The following PRKG1 variants were observed in gnomAD, a reference collection of about 807,000 sequenced individuals.
PRKG1 encodes protein kinase cGMP-dependent 1, also known as cGMP-dependent protein kinase 1.
PRKG1 carries 35 observed loss-of-function variants against 88.1 expected under a neutral mutation model. The ratio of observed to expected loss-of-function variants is 0.40; its 90% CI spans 0.30 to 0.53. PRKG1 has a LOEUF of 0.53. Among genes scored for constraint, PRKG1 ranks in the 20% least tolerant of loss-of-function variants. PRKG1 has a pLI of 0.59. For missense variants in PRKG1, 540 were observed against 839.8 expected, an observed-to-expected ratio of 0.64 and a Z score of 4.41; for synonymous variants, 303 against 292.5, an observed-to-expected ratio of 1.04 and a Z score of -0.37.
chr10:52,188,822 A>C (rs188988341), intron 9 of PRKG1, among the ~76,000 whole-genome samples: 1 of 152,296 alleles, frequency 6.6e-6, no homozygotes, highest in African/African-American at 2.4e-5. Flanking sequence ...ATATCAATCT[A>C]GTAATGTACT....
chr10:51,396,466 G>A (rs542281792), intron 2 of PRKG1, among the ~76,000 whole-genome samples: 12 of 151,968 alleles, frequency 7.9e-5, no homozygotes, highest in Non-Finnish European at 1.5e-4. Flanking sequence ...ACCCAAGTAA[G>A]TAAAACTAAA....
chr10:52,018,193 G>T (rs1845092617), intron 5 of PRKG1, among the ~76,000 whole-genome samples: 1 of 152,134 alleles, frequency 6.6e-6, no homozygotes, highest in Non-Finnish European at 1.5e-5. Context: ...ATAAAATGTG[G>T]TGTTGAGCCA....
At chr10:51,990,300 C>T (rs1287669436) in intron 5 of PRKG1, among the ~76,000 whole-genome samples, 1 of 152,028 alleles carries the variant, frequency 6.6e-6, no homozygotes, top group African/African-American at 2.4e-5. Flanking sequence ...CCCAAGATTG[C>T]TTTGGCTATT....
intron 4 of PRKG1, among the ~76,000 whole-genome samples, chr10:51,821,940 T>C (rs918794403): frequency 3.9e-5 from 6 of 152,132 alleles, no homozygotes; most frequent in Non-Finnish European, 7.4e-5. Context: ...GTTCAAGTAA[T>C]CCCATTTCTG....
chr10:52,280,804 T>C lies in PRKG1; in HGVS notation c.1419T>C (p.Asp473=), dbSNP rs748812366. The C allele has an allele frequency of 6.2e-7, 1 of 1,613,280 alleles. No homozygotes were observed. Among genetic ancestry groups the C allele is most frequent in the South Asian group, 1.1e-5 (1 of 91,028 alleles). ...TILRDRGSFE[D]STTRFYTACV... is the part of the protein sequence containing the mutation. ...TGCACCTCAGAGGTTCGTTTGAAGA[T>C]TCTACAACCAGATTTTACACAGCAT... The change falls in exon 13 of 18, where the codon GAT becomes GAC. Residue 473 remains aspartate, a synonymous_variant. Coordinates refer to ENST00000373980, the MANE Select transcript of PRKG1 (RefSeq NM_006258.4).
At chr10:51,035,876 T>G (rs940757802) in intron 1 of PRKG1, among the ~76,000 whole-genome samples, 1 of 151,864 alleles carries the variant, frequency 6.6e-6, no homozygotes, top group Non-Finnish European at 1.5e-5. Context: ...GTACATACCT[T>G]TATTTATTTA....
At chr10:51,717,505 T>A (rs116675620) in intron 3 of PRKG1, among the ~76,000 whole-genome samples, 18 of 152,276 alleles carry the variant, frequency 1.2e-4, no homozygotes, top group African/African-American at 3.9e-4. Context: ...AAATTTATGA[T>A]CCTCAAGTAA....
intron 2 of PRKG1, among the ~76,000 whole-genome samples, chr10:51,226,348 CGTT>C (rs534788717): frequency 3.3e-5 from 5 of 152,202 alleles, no homozygotes; most frequent in East Asian, 3.9e-4. Context: ...TCAAACTTTA[CGTT>C]GTTGTTGTTT....
At position 51,670,740 on chromosome 10, in the gene PRKG1, A is replaced by AT. The variant is rs1564599413; in HGVS notation, c.593-133845_593-133844insT. On this transcript the variant is annotated intron_variant, in intron 3 of 17. Coordinates refer to ENST00000373980, the MANE Select transcript of PRKG1 (RefSeq NM_006258.4). The stretch of plus-strand genomic sequence containing the variant: ...GACAGAGCGAGACTCCGTCTCAAAA[A>AT]AAAATAAATAAATAAATAAATAAAT... Among the ~76,000 whole-genome samples, 1,104 of 115,306 alleles carry AT rather than the reference A, an allele frequency of 9.6e-3. 6 individuals carry two copies. Among genetic ancestry groups the AT allele is most frequent in the Admixed American group, 0.013 (146 of 11,256 alleles). 75.6% of individuals were successfully genotyped at this position (115,306 alleles called of 152,430 possible).
At chr10:51,926,848 G>T (rs1361217571) in intron 5 of PRKG1, among the ~76,000 whole-genome samples, 1 of 111,770 alleles carries the variant, frequency 8.9e-6, no homozygotes, top group Admixed American at 8.5e-5. Context: ...CAGCAATTCT[G>T]CCATACCTTT....
chr10:51,005,252 G>C (rs747639039), intron 1 of PRKG1, among the ~76,000 whole-genome samples: 1 of 149,498 alleles, frequency 6.7e-6, no homozygotes, highest in African/African-American at 2.5e-5. Flanking sequence ...GGAGTAACAG[G>C]GTAGGTTGTG....
chr10:51,686,195 A>T (rs990891591), intron 3 of PRKG1, among the ~76,000 whole-genome samples: 1 of 152,228 alleles, frequency 6.6e-6, no homozygotes, highest in East Asian at 1.9e-4. Context: ...TAGGTTTGTT[A>T]TACAGGTAAA....
intron 1 of PRKG1, among the ~76,000 whole-genome samples, chr10:51,098,973 G>A (rs1018767656): frequency 3.3e-5 from 5 of 152,162 alleles, no homozygotes; most frequent in Non-Finnish European, 5.9e-5. Flanking sequence ...GAGCACAAAA[G>A]CCTAGCTCCC....
intron 3 of PRKG1, among the ~76,000 whole-genome samples, chr10:51,502,367 G>A (rs1841054373): frequency 6.6e-6 from 1 of 152,134 alleles, no homozygotes; most frequent in Admixed American, 6.6e-5. Context: ...TCAAGTGCCA[G>A]CTCTGAGGAG....
intron 5 of PRKG1, among the ~76,000 whole-genome samples, chr10:52,053,695 G>A (rs917328349): frequency 5.9e-5 from 9 of 152,234 alleles, no homozygotes; most frequent in Middle Eastern, 3.4e-3. Context: ...TGTGGTGTCC[G>A]TGTCAGAATA....
chr10:51,437,283 T>A (rs1838960132), intron 2 of PRKG1, among the ~76,000 whole-genome samples: 1 of 152,050 alleles, frequency 6.6e-6, no homozygotes, highest in South Asian at 2.1e-4. Flanking sequence ...AACTAGACTA[T>A]TCTGAGCCTA....
chr10:51,387,190 G>T (rs1837273720), intron 2 of PRKG1, among the ~76,000 whole-genome samples: 1 of 151,892 alleles, frequency 6.6e-6, no homozygotes, highest in Admixed American at 6.6e-5. Context: ...ACTGTCTACA[G>T]GACAAGCAGC....
chr10:51,813,465 T>G (rs374895116), intron 4 of PRKG1, among the ~76,000 whole-genome samples: 1 of 152,098 alleles, frequency 6.6e-6, no homozygotes, highest in African/African-American at 2.4e-5. Flanking sequence ...TAGTAAAAAT[T>G]TATTGAGTGT....
chr10:52,016,704 C>T (rs1845048696), intron 5 of PRKG1, among the ~76,000 whole-genome samples: 1 of 152,040 alleles, frequency 6.6e-6, no homozygotes. Context: ...CCTTGCTAGG[C>T]TCTGAGGATG....
Sources: allele counts gnomAD v4.1 joint callset (sites outside exome capture counted in the v4.1 genomes callset), GRCh38; gene constraint gnomAD v4.1.1; transcripts MANE v1.5; gene names NCBI Gene and HGNC (gene_info 2026-07-23, HGNC 2026-07-21).